LRRFIP1: variants seen among roughly 807,000 people sequenced by gnomAD.
LRRFIP1 encodes the protein leucine-rich repeat flightless-interacting protein 1.
In LRRFIP1, 62 loss-of-function variants were observed where a neutral mutation model predicts 104.4. The ratio of observed to expected loss-of-function variants is 0.59; its 90% confidence interval spans 0.48 to 0.73. The LOEUF (loss-of-function observed/expected upper bound fraction) is 0.73. Among genes scored for constraint, LRRFIP1 ranks in the 30% least tolerant of loss-of-function variants. The pLI is 0.00. For synonymous variants in LRRFIP1, 300 were observed against 299.0 expected (o/e 1.00, Z -0.03); for missense variants, 796 against 824.5 (o/e 0.97, Z 0.42).
At chr2:237,680,764 T>C (rs915935013) in intron 1 of LRRFIP1, among the ~76,000 whole-genome samples, 1 of 152,336 alleles carries the variant, frequency 6.6e-6, no homozygotes, top group Non-Finnish European at 1.5e-5. Context: ...GGCCCATCAC[T>C]TGAGCCCAGG....
At position 237,772,148 on chromosome 2, in the gene LRRFIP1, A is replaced by C; in HGVS notation, c.1577A>C (p.Glu526Ala). The C allele has an allele frequency of 6.2e-7, 1 of 1,614,028 alleles. No individual in the cohort carries two copies. The highest frequency in any genetic ancestry group is 8.5e-7 in the Non-Finnish European group (1 of 1,179,878). Residue 526 changes from glutamate to alanine, a missense_variant, in exon 21 of 24, where the codon GAA becomes GCA. By Grantham distance (107) the Glu-to-Ala change is moderately radical. Transcript: ENST00000308482. ...GGCAAACTAGACAATCTTCGATCTGAAGATGATGTCTTGGAAAACGGGACA... is the reference window on the plus strand; with the variant it reads ...GGCAAACTAGACAATCTTCGATCTGCAGATGATGTCTTGGAAAACGGGACA... The part of the protein sequence containing the change: ...KIGKLDNLRS[E>A]DDVLENGTDM...
intron 1 of LRRFIP1, among the ~76,000 whole-genome samples, chr2:237,704,151 C>CTTT (rs397946161): frequency 3.2e-5 from 4 of 124,016 alleles, no homozygotes; most frequent in Admixed American, 8.7e-5. Context: ...TGCAGATGTT[C>CTTT]TTTTTTTTTT....
At chr2:237,631,414 G>A (rs1392687402) in intron 1 of LRRFIP1, among the ~76,000 whole-genome samples, 1 of 152,206 alleles carries the variant, frequency 6.6e-6, no homozygotes, top group Non-Finnish European at 1.5e-5. Context: ...GCTTCCATGT[G>A]ATGGTTTAAA....
chr2:237,753,734 G>C (rs758995013), intron 15 of LRRFIP1, among the ~76,000 whole-genome samples: 5 of 149,660 alleles, frequency 3.3e-5, no homozygotes, highest in Non-Finnish European at 7.4e-5. Flanking sequence ...TGAGGCTGCA[G>C]TGAGCTGTGT....
In LRRFIP1 at chr2:237,684,922, GA is replaced by G. The variant is rs11386479; in HGVS notation, c.97-23607del. ...GGCAACATGCTGAAACCCTGTCTCTGAAAAAAAAAAAAAAATTAGCCAGGCG... is the reference window on the plus strand; with the variant it reads ...GGCAACATGCTGAAACCCTGTCTCTGAAAAAAAAAAAAAATTAGCCAGGCG... On this transcript the variant is annotated intron_variant, in intron 1 of 23. Transcript: ENST00000308482. Among the ~76,000 whole-genome samples, 235 of 144,240 alleles carry G rather than the reference GA, an allele frequency of 1.6e-3. 1 individual carries two copies. The highest frequency in any genetic ancestry group is 5.0e-3 in the African/African-American group (195 of 38,936). 94.6% of individuals were successfully genotyped at this position (144,240 alleles called of 152,430 possible).
chr2:237,635,794 C>T (rs913180661), intron 1 of LRRFIP1, among the ~76,000 whole-genome samples: 27 of 151,894 alleles, frequency 1.8e-4, no homozygotes, highest in Non-Finnish European at 2.9e-4. Flanking sequence ...ACCCCCATCT[C>T]CACAAAAAAG....
At chr2:237,755,463 C>T (rs562796049) in intron 15 of LRRFIP1, among the ~76,000 whole-genome samples, 1 of 152,356 alleles carries the variant, frequency 6.6e-6, no homozygotes, top group Non-Finnish European at 1.5e-5. Flanking sequence ...CCCAGGCTCT[C>T]AGCACAGTGC....
Position 237,658,801 on chromosome 2 carries a change from C to T in LRRFIP1, c.96+31061C>T, listed in dbSNP as rs573842703. The stretch of plus-strand genomic sequence containing the variant: ...GCCCTCCTGTTTCAATTACCACCAC[C>T]TGGTCTCTCCTTTGACATGCGGAGA... On this transcript the variant is annotated intron_variant, in intron 1 of 23. Coordinates refer to ENST00000308482, the MANE Select transcript of LRRFIP1 (RefSeq NM_001137550.2). Among the ~76,000 whole-genome samples, 5 of 152,336 alleles carry T rather than the reference C, an allele frequency of 3.3e-5. No individual in the cohort carries two copies. In the South Asian group the frequency reaches 1.0e-3, roughly 32 times the overall value.
chr2:237,629,628 C>T (rs1283248585), intron 1 of LRRFIP1, among the ~76,000 whole-genome samples: 1 of 151,990 alleles, frequency 6.6e-6, no homozygotes, highest in African/African-American at 2.4e-5. Context: ...CGCACCACCA[C>T]ACCCGGCTAA....
intron 11 of LRRFIP1, among the ~76,000 whole-genome samples, chr2:237,741,513 A>G (rs2057071095): frequency 6.6e-6 from 1 of 152,222 alleles, no homozygotes; most frequent in Non-Finnish European, 1.5e-5. Context: ...TTGTCTTCTC[A>G]CACTCACTTT....
intron 1 of LRRFIP1, among the ~76,000 whole-genome samples, chr2:237,668,044 C>G (rs769840832): frequency 2.0e-5 from 3 of 152,148 alleles, no homozygotes; most frequent in South Asian, 2.1e-4. Context: ...CTTGACACCC[C>G]CCTTTCCCCA....
At chr2:237,750,646 G>A (rs887069383) in intron 13 of LRRFIP1, among the ~76,000 whole-genome samples, 2 of 152,094 alleles carry the variant, frequency 1.3e-5, no homozygotes, top group Admixed American at 6.5e-5. Context: ...TGTTGTTTCC[G>A]TTTCTACAGC....
Position 237,766,038 on chromosome 2 carries a change from C to A in LRRFIP1, c.1460-3905C>A. Reference sequence around the variant, plus strand: ...TCCTATTGGGGTTCCGTGGAAGACCCACGCCTGATGCCCTCCCTCAGTAAG... The same window carrying A: ...TCCTATTGGGGTTCCGTGGAAGACCAACGCCTGATGCCCTCCCTCAGTAAG... On this transcript the variant is annotated intron_variant, in intron 19 of 23. Transcript: ENST00000308482. This position sits in a 1 kb window ranked among gnomAD's most constrained non-coding sequence, Gnocchi z 4.8. 1 of 440,606 alleles carries A rather than the reference C, an allele frequency of 2.3e-6. No individual in the cohort carries two copies. 27.3% of individuals were successfully genotyped at this position (440,606 alleles called of 1,614,324 possible).
intron 1 of LRRFIP1, among the ~76,000 whole-genome samples, chr2:237,642,015 T>G (rs2084053042): frequency 1.3e-5 from 2 of 152,266 alleles, no homozygotes; most frequent in South Asian, 4.2e-4. Flanking sequence ...AGAGAATCTT[T>G]GGGGTACCCA....
chr2:237,630,738 C>T (rs904166018), intron 1 of LRRFIP1, among the ~76,000 whole-genome samples: 13 of 152,222 alleles, frequency 8.5e-5, no homozygotes, highest in African/African-American at 3.1e-4. Context: ...CAGGATTCCC[C>T]GCCAGCCTCA....
intron 7 of LRRFIP1, among the ~76,000 whole-genome samples, chr2:237,724,485 TAC>T: frequency 6.6e-6 from 1 of 152,330 alleles, no homozygotes; most frequent in African/African-American, 2.4e-5. Flanking sequence ...TCTTAACAGA[TAC>T]AAGAGCAGAG....
intron 1 of LRRFIP1, among the ~76,000 whole-genome samples, chr2:237,636,605 T>C (rs2083163794): frequency 6.6e-6 from 1 of 151,768 alleles, no homozygotes; most frequent in African/African-American, 2.4e-5. Context: ...GGTCTGTTTC[T>C]TTTCCTCCTT....
rs551393292 is a variant in LRRFIP1, at chr2:237,653,173, C to T, written c.96+25433C>T. Among the ~76,000 whole-genome samples, 10 of 152,172 alleles carry T rather than the reference C, an allele frequency of 6.6e-5. No homozygotes were observed. In the East Asian group the frequency reaches 1.9e-3, roughly 29 times the overall value. On this transcript the variant is annotated intron_variant, in intron 1 of 23. Coordinates refer to ENST00000308482, the MANE Select transcript of LRRFIP1 (RefSeq NM_001137550.2). ...TAAATCTCTTTTCTTCATAAATTAC[C>T]CAGTCCCAGGTAACTGTTTATATCA...
At position 237,685,276 on chromosome 2, in the gene LRRFIP1, C is replaced by T. The variant is rs13413534; in HGVS notation, c.97-23268C>T. Among the ~76,000 whole-genome samples the T allele has an allele frequency of 6.8e-3, 1,029 of 152,278 alleles. 22 individuals are homozygous for T. Among genetic ancestry groups the T allele is most frequent in the African/African-American group, 0.023 (968 of 41,546 alleles). Reference sequence around the variant, plus strand: ...AATTCTGTGGAACACACTGGGAAAGCGGATACATTTAGGATTGCTATAGAC... The same window carrying T: ...AATTCTGTGGAACACACTGGGAAAGTGGATACATTTAGGATTGCTATAGAC... On this transcript the variant is annotated intron_variant, in intron 1 of 23. Transcript: ENST00000308482.
Sources: allele counts gnomAD v4.1 joint callset (sites outside exome capture counted in the v4.1 genomes callset), GRCh38; gene constraint gnomAD v4.1.1; non-coding constraint Gnocchi (gnomAD v3.1); transcripts MANE v1.5; gene names NCBI Gene and HGNC (gene_info 2026-07-23, HGNC 2026-07-21).